PLCB1: variants seen among roughly 807,000 people sequenced by gnomAD.
PLCB1 encodes phospholipase C beta 1, also known as 1-phosphatidylinositol 4,5-bisphosphate phosphodiesterase beta-1.
A neutral mutation model predicts 161.8 loss-of-function variants in PLCB1; 46 were observed. The observed-to-expected ratio is 0.28, with a 90% confidence interval of 0.22 to 0.36. The LOEUF (loss-of-function observed/expected upper bound fraction) is 0.36. Among genes scored for constraint, PLCB1 ranks in the 10% least tolerant of loss-of-function variants. PLCB1 has a pLI of 1.00. For synonymous variants in PLCB1, 517 were observed against 503.7 expected, an observed-to-expected ratio of 1.03 and a Z score of -0.35; for missense variants, 1,016 against 1,472.5, an observed-to-expected ratio of 0.69 and a Z score of 5.07.
intron 3 of PLCB1, among the ~76,000 whole-genome samples, chr20:8,403,240 C>T (rs74627105): frequency 0.036 from 5,553 of 152,154 alleles, 221 homozygotes; most frequent in African/African-American, 0.09. Context: ...CAAAGCCAGG[C>T]ACAGTGGCTC....
intron 2 of PLCB1, among the ~76,000 whole-genome samples, chr20:8,181,936 T>G (rs150207954): frequency 2.6e-4 from 39 of 152,252 alleles, no homozygotes; most frequent in African/African-American, 8.4e-4. Flanking sequence ...GCCACTGCAC[T>G]CCAGCCTGAG....
In PLCB1 at chr20:8,685,059, G is replaced by A. The variant is rs375950955; in HGVS notation, c.990G>A (p.Ser330=). The change falls in exon 10 of 32, where the codon TCG becomes TCA. Residue 330 remains serine (S), a synonymous_variant. Transcript: ENST00000338037. ...QPLSHYFINS[S]HNTYLTAGQL... The stretch of plus-strand genomic sequence containing the variant: ...TTTCTCACTATTTCATTAATTCCTC[G>A]CACAACACCTACCTCACAGGTATGA... 3.3e-5 allele frequency: 53 copies of A among 1,613,810 alleles called. No individual in the cohort carries two copies. The highest frequency in any genetic ancestry group is 1.7e-4 in the Admixed American group (10 of 60,008).
intron 9 of PLCB1, among the ~76,000 whole-genome samples, chr20:8,682,843 A>G (rs148183611): frequency 6.6e-6 from 1 of 152,296 alleles, no homozygotes; most frequent in Non-Finnish European, 1.5e-5. Context: ...TAAAATCCTC[A>G]AAAGTATGCG....
intron 3 of PLCB1, among the ~76,000 whole-genome samples, chr20:8,601,246 G>C (rs879391543): frequency 5.9e-5 from 9 of 152,164 alleles, no homozygotes; most frequent in Non-Finnish European, 1.2e-4. Flanking sequence ...TAAGTTCAGG[G>C]GTATATGCGC....
chr20:8,585,028 A>G (rs773210520), intron 3 of PLCB1, among the ~76,000 whole-genome samples: 4 of 152,104 alleles, frequency 2.6e-5, no homozygotes, highest in Non-Finnish European at 5.9e-5. Context: ...CCAAGAAATC[A>G]TTAGTCTTTT....
intron 2 of PLCB1, among the ~76,000 whole-genome samples, chr20:8,327,907 T>TAC (rs57589121): frequency 1.2e-4 from 18 of 151,562 alleles, no homozygotes; most frequent in South Asian, 4.1e-4. Context: ...TATATATATA[T>TAC]ACACACACAC....
chr20:8,330,828 G>T (rs759732204), intron 2 of PLCB1, among the ~76,000 whole-genome samples: 17 of 152,294 alleles, frequency 1.1e-4, no homozygotes, highest in Non-Finnish European at 2.2e-4. Flanking sequence ...TACATCCTTT[G>T]CTGTGTCATA....
At chr20:8,788,808 CAA>C in intron 29 of PLCB1, 86 bp downstream of exon 29, 1 of 821,772 alleles carries the variant, frequency 1.2e-6, no homozygotes, top group Non-Finnish European at 1.9e-6. Flanking sequence ...CATAACCAGT[CAA>C]AGACTCCTTC....
intron 10 of PLCB1, among the ~76,000 whole-genome samples, chr20:8,689,904 T>C: frequency 9.5e-6 from 1 of 105,402 alleles, no homozygotes; most frequent in Non-Finnish European, 2.2e-5. Flanking sequence ...TACTTTCAGC[T>C]ATTAGGAAAG....
At chr20:8,251,425 T>C (rs1981138517) in intron 2 of PLCB1, among the ~76,000 whole-genome samples, 1 of 151,580 alleles carries the variant, frequency 6.6e-6, no homozygotes, top group African/African-American at 2.4e-5. Context: ...AGAGAGGAGT[T>C]TGCCAGGCGG....
intron 27 of PLCB1, among the ~76,000 whole-genome samples, chr20:8,777,747 C>A (rs1291022161): frequency 6.6e-6 from 1 of 151,730 alleles, no homozygotes; most frequent in East Asian, 1.9e-4. Context: ...GTCTGGACAC[C>A]CCAATATTAG....
intron 31 of PLCB1, among the ~76,000 whole-genome samples, chr20:8,866,760 C>T (rs1987442620): frequency 1.3e-5 from 2 of 152,108 alleles, no homozygotes; most frequent in Non-Finnish European, 2.9e-5. Flanking sequence ...TTTTCAGCTT[C>T]ACCTTGGGGG....
chr20:8,481,385 G>A (rs1454330441), intron 3 of PLCB1, among the ~76,000 whole-genome samples: 1 of 152,060 alleles, frequency 6.6e-6, no homozygotes. Flanking sequence ...ATTTTACTTT[G>A]AAGGGGCTTT....
chr20:8,255,047 G>A (rs1224664454), intron 2 of PLCB1, among the ~76,000 whole-genome samples: 1 of 152,036 alleles, frequency 6.6e-6, no homozygotes, highest in Admixed American at 6.6e-5. Context: ...TCTTAACACT[G>A]AGCAAAGAAC....
chr20:8,574,889 T>C (rs1269448708), intron 3 of PLCB1, among the ~76,000 whole-genome samples: 1 of 152,188 alleles, frequency 6.6e-6, no homozygotes, highest in Non-Finnish European at 1.5e-5. Context: ...TAAAGGCTGA[T>C]AGTTAGAAGT....
intron 3 of PLCB1, among the ~76,000 whole-genome samples, chr20:8,527,948 A>G (rs1984647441): frequency 6.6e-6 from 1 of 151,966 alleles, no homozygotes; most frequent in Non-Finnish European, 1.5e-5. Context: ...ATAAAATATT[A>G]TGTATATGGA....
intron 3 of PLCB1, among the ~76,000 whole-genome samples, chr20:8,592,249 G>C (rs756962078): frequency 6.6e-6 from 1 of 152,042 alleles, no homozygotes; most frequent in Non-Finnish European, 1.5e-5. Flanking sequence ...TAAGTACCTA[G>C]TAAAAAAATT....
chr20:8,321,819 G>A (rs978856320), intron 2 of PLCB1, among the ~76,000 whole-genome samples: 1 of 152,094 alleles, frequency 6.6e-6, no homozygotes, highest in African/African-American at 2.4e-5. Flanking sequence ...CATCATAGCC[G>A]ACATGTCAGT....
intron 3 of PLCB1, among the ~76,000 whole-genome samples, chr20:8,509,826 T>C (rs891921679): frequency 3.3e-5 from 5 of 152,310 alleles, no homozygotes; most frequent in Admixed American, 6.5e-5. Flanking sequence ...TGCTTCCTTC[T>C]GAAGTTTCGG....
Sources: gnomAD v4.1 joint callset for allele counts (sites outside exome capture counted in the v4.1 genomes callset) on GRCh38, gnomAD v4.1.1 for gene constraint, MANE v1.5 for transcripts, NCBI Gene and HGNC (gene_info 2026-07-23, HGNC 2026-07-21) for gene names.